Variants in ABCB5 observed in about 807,000 individuals in gnomAD.
The protein encoded by ABCB5 is ATP-binding cassette sub-family B member 5.
In ABCB5, 155 loss-of-function variants were observed where a neutral mutation model predicts 144.2. The observed-to-expected ratio is 1.08, with a 90% CI of 0.94 to 1.23. The LOEUF (loss-of-function observed/expected upper bound fraction) is 1.23, where lower values mean the gene tolerates loss of function less well. Ranked by LOEUF, ABCB5 falls within the 50% of genes most tolerant of loss-of-function variation. The pLI is 0.00. For synonymous variants in ABCB5, 610 were observed against 528.6 expected, an observed-to-expected ratio of 1.15 and a Z score of -2.11; for missense variants, 1,830 against 1,520.8, an observed-to-expected ratio of 1.20 and a Z score of -3.38.
chr7:20,660,550 T>C (rs943016573), intron 14 of ABCB5, among the ~76,000 whole-genome samples: 2 of 152,138 alleles, frequency 1.3e-5, no homozygotes, highest in African/African-American at 4.8e-5. Context: ...GGCAGGGTGA[T>C]GGAAGCTGTA....
intron 1 of ABCB5, among the ~76,000 whole-genome samples, chr7:20,619,500 C>T (rs551516881): frequency 5.3e-5 from 8 of 152,106 alleles, no homozygotes; most frequent in African/African-American, 1.9e-4. Context: ...AGTGTTTGTT[C>T]ATGTCCTTTG....
At chr7:20,718,039 C>T (rs761983908) in intron 20 of ABCB5, among the ~76,000 whole-genome samples, 29 of 148,846 alleles carry the variant, frequency 1.9e-4, no homozygotes, top group Non-Finnish European at 2.8e-4. Context: ...GTAGCTGGGA[C>T]TACAGGCGCC....
intron 14 of ABCB5, among the ~76,000 whole-genome samples, chr7:20,662,642 A>C (rs542808996): frequency 6.6e-6 from 1 of 152,214 alleles, no homozygotes; most frequent in East Asian, 1.9e-4. Context: ...TTTAGACAGA[A>C]AATCAAAGGT....
chr7:20,737,385 T>A (rs1782415740), intron 23 of ABCB5, among the ~76,000 whole-genome samples: 1 of 152,124 alleles, frequency 6.6e-6, no homozygotes, highest in African/African-American at 2.4e-5. Context: ...CCATTCTCCA[T>A]CCTTTGGGTC....
chr7:20,641,439 T>G (rs917338452), intron 5 of ABCB5: 1 of 152,354 alleles, frequency 6.6e-6, no homozygotes, highest in African/African-American at 2.4e-5. Flanking sequence ...TGCCAGCTAC[T>G]CAGGAGGCTG....
chr7:20,702,622 G>A (rs1786666216), intron 19 of ABCB5, among the ~76,000 whole-genome samples: 2 of 150,842 alleles, frequency 1.3e-5, no homozygotes, highest in Admixed American at 6.6e-5. Flanking sequence ...TATCCATTGA[G>A]GCTAACTAAA....
At chr7:20,720,523 G>GCAT (rs1422389923) in intron 20 of ABCB5, among the ~76,000 whole-genome samples, 5 of 94,600 alleles carry the variant, frequency 5.3e-5, no homozygotes, top group Admixed American at 3.1e-4. Context: ...GAAGAACACA[G>GCAT]CATCACTTCT....
At chr7:20,618,138 C>T (rs1445986795) in intron 1 of ABCB5, among the ~76,000 whole-genome samples, 1 of 152,182 alleles carries the variant, frequency 6.6e-6, no homozygotes, top group Non-Finnish European at 1.5e-5. Flanking sequence ...CAGCCATCAC[C>T]ACATTCAATT....
chr7:20,682,583 T>A (rs1022592451), intron 15 of ABCB5, among the ~76,000 whole-genome samples: 4 of 152,146 alleles, frequency 2.6e-5, no homozygotes, highest in African/African-American at 9.7e-5. Flanking sequence ...GTTGAGGGTA[T>A]AATGGAAAAG....
intron 16 of ABCB5, among the ~76,000 whole-genome samples, chr7:20,691,420 T>G (rs1786225698): frequency 6.6e-6 from 1 of 151,836 alleles, no homozygotes; most frequent in African/African-American, 2.4e-5. Flanking sequence ...GGTTCTCCTT[T>G]GAGTCTTCAT....
At chr7:20,673,848 C>T (rs941972288) in intron 14 of ABCB5, among the ~76,000 whole-genome samples, 3 of 151,842 alleles carry the variant, frequency 2.0e-5, no homozygotes, top group African/African-American at 4.8e-5. Context: ...TTCTGCTTTA[C>T]TCATTTTCTG....
intron 19 of ABCB5, among the ~76,000 whole-genome samples, chr7:20,702,778 C>T (rs1165970393): frequency 1.3e-5 from 2 of 150,310 alleles, no homozygotes; most frequent in Non-Finnish European, 2.9e-5. Context: ...TCTCATGCCT[C>T]AGCCTCCTGA....
chr7:20,665,740 T>C (rs1583408749), intron 14 of ABCB5, among the ~76,000 whole-genome samples: 2 of 137,316 alleles, frequency 1.5e-5, no homozygotes, highest in Non-Finnish European at 1.6e-5. Context: ...GATAGATAGA[T>C]AGATAGATAG....
chr7:20,687,602 G>A (rs148628040), intron 16 of ABCB5, among the ~76,000 whole-genome samples: 36 of 152,340 alleles, frequency 2.4e-4, no homozygotes, highest in South Asian at 4.1e-4. Context: ...GCAGGAAACA[G>A]AGAAAGTGTC....
chr7:20,655,651 T>C (rs962995651), intron 13 of ABCB5, among the ~76,000 whole-genome samples: 5 of 152,182 alleles, frequency 3.3e-5, no homozygotes, highest in African/African-American at 9.7e-5. Flanking sequence ...CTGATAGACA[T>C]GAAAAGATCT....
intron 2 of ABCB5, 23 bp from the exon 3 acceptor site, chr7:20,626,534 C>T (rs957672966): frequency 1.6e-5 from 26 of 1,593,590 alleles, no homozygotes; most frequent in African/African-American, 1.6e-4. Flanking sequence ...GTAACTGCTG[C>T]ATTTTGAACT....
chr7:20,631,491 G>A (rs2128019164), intron 4 of ABCB5, among the ~76,000 whole-genome samples: 1 of 152,198 alleles, frequency 6.6e-6, no homozygotes, highest in East Asian at 1.9e-4. Flanking sequence ...TGTTATTGGT[G>A]AAATCAGGAC....
intron 14 of ABCB5, among the ~76,000 whole-genome samples, chr7:20,665,531 T>C (rs533805218): frequency 3.7e-4 from 57 of 152,066 alleles, no homozygotes; most frequent in African/African-American, 1.3e-3. Flanking sequence ...CTAAAAGAAA[T>C]GACACTGAAG....
Position 20,710,901 on chromosome 7 carries a change from A to G in ABCB5, c.2421+6094A>G, listed in dbSNP as rs1787005257. Among the ~76,000 whole-genome samples, 2 of 149,572 alleles carry G rather than the reference A, an allele frequency of 1.3e-5. 1 individual carries two copies. The highest frequency in any genetic ancestry group is 1.3e-4 in the Admixed American group (2 of 14,986). ...TTAAAATTTTTTAGTATTCTATTTCATCTCTTTTTGGAGGAGTAAGGAAAG... is the reference window on the plus strand; with the variant it reads ...TTAAAATTTTTTAGTATTCTATTTCGTCTCTTTTTGGAGGAGTAAGGAAAG... On this transcript the variant is annotated intron_variant, in intron 20 of 27. Coordinates refer to ENST00000404938, the MANE Select transcript of ABCB5 (RefSeq NM_001163941.2).
Sources: allele counts gnomAD v4.1 joint callset (sites outside exome capture counted in the v4.1 genomes callset), GRCh38; gene constraint gnomAD v4.1.1; transcripts MANE v1.5; gene names NCBI Gene and HGNC (gene_info 2026-07-23, HGNC 2026-07-21).